Variants in UBE2W observed in about 807,000 individuals in gnomAD.
UBE2W encodes the protein ubiquitin conjugating enzyme E2 W, also known as ubiquitin-conjugating enzyme E2 W.
In UBE2W, 18 loss-of-function variants were observed where a neutral mutation model predicts 27.2. The ratio of observed to expected loss-of-function variants is 0.66; its 90% CI spans 0.46 to 0.98. UBE2W has a LOEUF of 0.98. UBE2W is among the 50% of genes least tolerant of loss of function. UBE2W has a pLI of 0.00. For missense variants in UBE2W, 90 were observed against 180.2 expected (o/e 0.50, Z 2.87); for synonymous variants, 53 against 57.2 (o/e 0.93, Z 0.33).
chr8:73,859,211 G>T (rs902403208), intron 1 of UBE2W, among the ~76,000 whole-genome samples: 4 of 152,072 alleles, frequency 2.6e-5, no homozygotes, highest in African/African-American at 9.7e-5. Context: ...CAAGGATAAA[G>T]ATTTTTGTGA....
intron 1 of UBE2W, among the ~76,000 whole-genome samples, chr8:73,859,652 A>G (rs760463031): frequency 1.3e-5 from 2 of 152,190 alleles, no homozygotes; most frequent in African/African-American, 2.4e-5. Context: ...GTTAACAGTA[A>G]GCTATTAGTA....
intron 3 of UBE2W, among the ~76,000 whole-genome samples, chr8:73,816,646 T>C (rs1809398588): frequency 6.6e-6 from 1 of 152,220 alleles, no homozygotes. Flanking sequence ...AAATGGCTTC[T>C]AATCAAAGAG....
At position 73,830,484 on chromosome 8, in the gene UBE2W, C is replaced by T. The variant is rs539683713; in HGVS notation, c.16-12G>A. On this transcript the variant is annotated splice_polypyrimidine_tract_variant and intron_variant, in intron 1 of 5. Transcript: ENST00000602593. ...TTCTGTAGTCGTTTCTAGAAAAGAA[C>T]ATCAATAATAATTTGTCCTTTTTGA... The T allele has an allele frequency of 4.3e-6, 7 of 1,610,126 alleles. No individual in the cohort carries two copies. In the African/African-American group the frequency reaches 5.3e-5, roughly 12 times the overall value.
intron 1 of UBE2W, among the ~76,000 whole-genome samples, chr8:73,850,348 G>A (rs989838562): frequency 2.6e-5 from 4 of 152,016 alleles, no homozygotes; most frequent in Non-Finnish European, 5.9e-5. Flanking sequence ...CTAGTAAAAC[G>A]GAACAGACAT....
chr8:73,835,790 TTC>T (rs1473906330), intron 1 of UBE2W, among the ~76,000 whole-genome samples: 1 of 152,122 alleles, frequency 6.6e-6, no homozygotes, highest in Admixed American at 6.6e-5. Context: ...GTCTTGGTAA[TTC>T]TCTCTCTCAA....
downstream of UBE2W, among the ~76,000 whole-genome samples, chr8:73,781,980 C>T (rs1807855531): frequency 7.4e-6 from 1 of 134,314 alleles, no homozygotes; most frequent in Admixed American, 8.2e-5. Flanking sequence ...CTCGCTCTGT[C>T]ACCAGGCTGG....
intron 1 of UBE2W, among the ~76,000 whole-genome samples, chr8:73,878,000 A>G (rs891271524): frequency 2.7e-5 from 4 of 150,894 alleles, no homozygotes; most frequent in African/African-American, 9.7e-5. Flanking sequence ...GTCTGGGAAT[A>G]AGGGCAAAGA....
intron 3 of UBE2W, among the ~76,000 whole-genome samples, chr8:73,818,746 G>A (rs1809491768): frequency 6.6e-6 from 1 of 152,130 alleles, no homozygotes; most frequent in Non-Finnish European, 1.5e-5. Flanking sequence ...GAGTTCTCTT[G>A]AGATCTGGTT....
intron 4 of UBE2W, among the ~76,000 whole-genome samples, chr8:73,807,179 C>G (rs1317041359): frequency 6.6e-6 from 1 of 152,192 alleles, no homozygotes; most frequent in Non-Finnish European, 1.5e-5. Context: ...CGGAATCATT[C>G]CAATAACTTG....
At chr8:73,865,804 T>G (rs991090713) in intron 1 of UBE2W, among the ~76,000 whole-genome samples, 1 of 152,208 alleles carries the variant, frequency 6.6e-6, no homozygotes, top group Non-Finnish European at 1.5e-5. Context: ...TAAAATTTTT[T>G]AAATTTTATC....
At chr8:73,872,671 C>T (rs1453788757) in intron 1 of UBE2W, among the ~76,000 whole-genome samples, 1 of 152,112 alleles carries the variant, frequency 6.6e-6, no homozygotes. Context: ...TTTGGCATCA[C>T]AGAGAAATCA....
chr8:73,830,567 C>A, intron 1 of UBE2W, 95 bp from the exon 2 acceptor site: 1 of 884,320 alleles, frequency 1.1e-6, no homozygotes, highest in Non-Finnish European at 1.8e-6. Flanking sequence ...CTCACCACAT[C>A]CTCAAACTCC....
At chr8:73,786,073 T>C (rs1446535593), downstream of UBE2W, 1 of 391,782 alleles carries the variant, frequency 2.6e-6, no homozygotes, top group Admixed American at 6.4e-5. Flanking sequence ...ATCTGCTTAA[T>C]GCTGGTTTTT....
At chr8:73,818,993 T>C (rs550757167) in intron 3 of UBE2W, among the ~76,000 whole-genome samples, 15 of 152,308 alleles carry the variant, frequency 9.8e-5, no homozygotes, top group African/African-American at 2.9e-4. Flanking sequence ...CCTAATACAC[T>C]GACCTAAGCC....
At chr8:73,844,165 C>T (rs1403777590) in intron 1 of UBE2W, among the ~76,000 whole-genome samples, 7 of 24,854 alleles carry the variant, frequency 2.8e-4, no homozygotes, top group African/African-American at 2.2e-3. Context: ...TTCCCCTCCC[C>T]CTCCCCCTCT....
chr8:73,868,839 T>C (rs1420827896), intron 1 of UBE2W, among the ~76,000 whole-genome samples: 2 of 152,230 alleles, frequency 1.3e-5, no homozygotes, highest in East Asian at 1.9e-4. Flanking sequence ...TATGACCCAT[T>C]TGTTCAACAT....
In UBE2W at chr8:73,786,935, G is replaced by T; in HGVS notation, c.*7167C>A. 1 of 985,366 alleles carries T rather than the reference G, an allele frequency of 1.0e-6. No individual in the cohort carries two copies. The allele number at this position is 985,366 out of a possible 1,614,324, so 61.0% of individuals were successfully genotyped here. A position where few individuals can be genotyped will look rare whatever the true frequency, so the allele number is the denominator to read the frequency against. Reference sequence around the variant, plus strand: ...AAACATAAAATTTTAATGTTGAATTGGCTATCTGCAGGATACAGCCATCTA... The same window carrying T: ...AAACATAAAATTTTAATGTTGAATTTGCTATCTGCAGGATACAGCCATCTA... On this transcript the variant is annotated 3_prime_UTR_variant, in exon 6 of 6. Coordinates refer to ENST00000602593, the MANE Select transcript of UBE2W (RefSeq NM_018299.6).
intron 3 of UBE2W, among the ~76,000 whole-genome samples, chr8:73,811,875 A>T (rs185327281): frequency 6.6e-6 from 1 of 152,236 alleles, no homozygotes; most frequent in East Asian, 1.9e-4. Flanking sequence ...AGAACCAGTG[A>T]GGTAAATATG....
Position 73,786,999 on chromosome 8 carries a change from TA to T in UBE2W, c.*7102del. The T allele has an allele frequency of 1.0e-6, 1 of 985,450 alleles. No individual in the cohort carries two copies. Among genetic ancestry groups the T allele is most frequent in the Admixed American group, 6.1e-5 (1 of 16,286 alleles). 61.0% of individuals were successfully genotyped at this position (985,450 alleles called of 1,614,324 possible). ...TCTAATGACATATATTCACCCACATTAAGTCCCTGAAGGCCAGATACAGACA... is the reference window on the plus strand; with the variant it reads ...TCTAATGACATATATTCACCCACATTAGTCCCTGAAGGCCAGATACAGACA... On this transcript the variant is annotated 3_prime_UTR_variant, in exon 6 of 6. Transcript: ENST00000602593.
Sources: allele counts gnomAD v4.1 joint callset (sites outside exome capture counted in the v4.1 genomes callset), GRCh38; gene constraint gnomAD v4.1.1; transcripts MANE v1.5; gene names NCBI Gene and HGNC (gene_info 2026-07-23, HGNC 2026-07-21).